Variants in CNTN1 observed in about 807,000 individuals in gnomAD.
CNTN1 encodes the protein contactin 1.
Under a neutral mutation model 126.4 loss-of-function variants are expected in CNTN1, and 38 were observed. That is an observed-to-expected ratio of 0.30 (90% CI 0.23 to 0.39). The LOEUF (loss-of-function observed/expected upper bound fraction) is 0.39. Ranked by LOEUF, CNTN1 falls within the 10% of genes least tolerant of loss-of-function variation. CNTN1 has a pLI of 1.00. For synonymous variants in CNTN1, 413 were observed against 422.6 expected, an observed-to-expected ratio of 0.98 and a Z score of 0.28; for missense variants, 1,009 against 1,248.4, an observed-to-expected ratio of 0.81 and a Z score of 2.89.
Position 40,956,260 on chromosome 12 carries a change from T to C in CNTN1, c.1684-2854T>C, listed in dbSNP as rs536511516. 6.8e-4 allele frequency among the ~76,000 whole-genome samples: 104 copies of C among 152,204 alleles called. 2 individuals carry two copies. Among genetic ancestry groups the C allele is most frequent in the African/African-American group, 2.3e-3 (95 of 41,548 alleles). Reference sequence around the variant, plus strand: ...AAGACAGCGCATACAGCTGTATACATATATAACACAGGGATACAACATGTC... The same window carrying C: ...AAGACAGCGCATACAGCTGTATACACATATAACACAGGGATACAACATGTC... On this transcript the variant is annotated intron_variant, in intron 14 of 23. Transcript: ENST00000551295.
intron 1 of CNTN1, among the ~76,000 whole-genome samples, chr12:40,860,870 G>A (rs745951548): frequency 6.6e-6 from 1 of 152,010 alleles, no homozygotes; most frequent in African/African-American, 2.4e-5. Flanking sequence ...TCTAATCAAG[G>A]CTTGGTATTT....
intron 1 of CNTN1, among the ~76,000 whole-genome samples, chr12:40,705,177 G>A (rs1421285223): frequency 6.6e-6 from 1 of 152,154 alleles, no homozygotes; most frequent in Non-Finnish European, 1.5e-5. Context: ...AAAAACAGTG[G>A]TATTTCTCGA....
chr12:40,972,119 T>C, intron 15 of CNTN1: 1 of 985,450 alleles, frequency 1.0e-6, no homozygotes, highest in South Asian at 4.7e-5. Flanking sequence ...AAAGTGAAAA[T>C]GGATAGCATG....
intron 1 of CNTN1, among the ~76,000 whole-genome samples, chr12:40,885,659 C>T (rs1312287525): frequency 6.6e-6 from 1 of 151,954 alleles, no homozygotes; most frequent in Non-Finnish European, 1.5e-5. Flanking sequence ...GTAGTAAGTG[C>T]TATGTATGCA....
intron 14 of CNTN1, among the ~76,000 whole-genome samples, chr12:40,950,446 G>A (rs1487367979): frequency 1.3e-5 from 2 of 152,104 alleles, no homozygotes; most frequent in Non-Finnish European, 2.9e-5. Context: ...TGGGTTTTAT[G>A]TGCTTCTTGA....
At chr12:40,880,502 T>C (rs917451161) in intron 1 of CNTN1, among the ~76,000 whole-genome samples, 1 of 152,058 alleles carries the variant, frequency 6.6e-6, no homozygotes, top group Admixed American at 6.6e-5. Context: ...GCTTAAATGA[T>C]ATAGAAGTGA....
At chr12:40,885,092 C>T (rs1364020199) in intron 1 of CNTN1, among the ~76,000 whole-genome samples, 2 of 151,622 alleles carry the variant, frequency 1.3e-5, no homozygotes, top group Non-Finnish European at 3.0e-5. Flanking sequence ...ATATCTTTAC[C>T]TGTTAGCACT....
At chr12:40,987,800 C>T (rs772005969) in intron 16 of CNTN1, among the ~76,000 whole-genome samples, 12 of 152,050 alleles carry the variant, frequency 7.9e-5, no homozygotes, top group Non-Finnish European at 1.5e-4. Flanking sequence ...ATTATATAAT[C>T]GCTCTGCAAT....
chr12:40,993,081 A>C lies in CNTN1; in HGVS notation c.1964-39A>C, dbSNP rs1463990768. On this transcript the variant is annotated intron_variant, in intron 16 of 23. Transcript: ENST00000551295. The stretch of plus-strand genomic sequence containing the variant: ...GGGAAGTTATAAAAGTGATAAGTTA[A>C]TCAACCTGTATTCTCTATTTACTAT... 2.5e-6 allele frequency: 4 copies of C among 1,570,480 alleles called. 1 individual carries two copies. The South Asian group carries it at 4.4e-5, about 17-fold the overall frequency.
chr12:40,859,388 G>A (rs1244526853), intron 1 of CNTN1, among the ~76,000 whole-genome samples: 1 of 152,056 alleles, frequency 6.6e-6, no homozygotes, highest in Non-Finnish European at 1.5e-5. Context: ...GGATATAAAA[G>A]ATAAGATAAT....
At chr12:40,964,837 A>G (rs545754935) in intron 15 of CNTN1, among the ~76,000 whole-genome samples, 38 of 152,254 alleles carry the variant, frequency 2.5e-4, no homozygotes, top group Admixed American at 9.8e-4. Flanking sequence ...ATAATATTGC[A>G]GTATTTTAAA....
At chr12:40,698,228 A>ATTTTTTTTTTTTTTTTTTTTTTTTT (rs35570862) in intron 1 of CNTN1, among the ~76,000 whole-genome samples, 1 of 69,884 alleles carries the variant, frequency 1.4e-5, no homozygotes, top group African/African-American at 5.8e-5. Flanking sequence ...CAGCCACTTA[A>ATTTTTTTTTTTTTTTTTTTTTTTTT]TTTTTTTTTT....
chr12:40,781,323 G>T (rs1045202757), intron 1 of CNTN1, among the ~76,000 whole-genome samples: 3 of 151,914 alleles, frequency 2.0e-5, no homozygotes, highest in Non-Finnish European at 2.9e-5. Flanking sequence ...CAATAGCACT[G>T]CACTCTCACA....
chr12:41,055,659 T>G (rs1209546141), intron 23 of CNTN1, among the ~76,000 whole-genome samples: 1 of 152,082 alleles, frequency 6.6e-6, no homozygotes, highest in Non-Finnish European at 1.5e-5. Flanking sequence ...GGCAGTTAAG[T>G]TTTTTCCTGT....
Position 40,695,207 on chromosome 12 carries a change from T to C in CNTN1, c.-77+2615T>C, listed in dbSNP as rs569724747. Among the ~76,000 whole-genome samples the C allele has an allele frequency of 7.5e-4, 114 of 152,346 alleles. 1 individual carries two copies. Among genetic ancestry groups the C allele is most frequent in the African/African-American group, 2.7e-3 (111 of 41,596 alleles). On this transcript the variant is annotated intron_variant, in intron 1 of 23. Coordinates refer to ENST00000551295, the MANE Select transcript of CNTN1 (RefSeq NM_001843.4). ...GTCCTATAATAAGTAGCCTTAAAGA[T>C]TCTTGTTCAGGAAGCATCATCCTAA...
chr12:40,898,700 G>A (rs1944499636), intron 1 of CNTN1, among the ~76,000 whole-genome samples: 1 of 152,154 alleles, frequency 6.6e-6, no homozygotes, highest in African/African-American at 2.4e-5. Context: ...CAGGAGGACT[G>A]TACCTTCCAT....
chr12:40,968,815 A>C (rs1183436790), intron 15 of CNTN1, among the ~76,000 whole-genome samples: 1 of 152,150 alleles, frequency 6.6e-6, no homozygotes, highest in Non-Finnish European at 1.5e-5. Context: ...AACTACATGA[A>C]TATGCTTTTC....
At chr12:40,737,390 T>G (rs905583656) in intron 1 of CNTN1, among the ~76,000 whole-genome samples, 1 of 140,036 alleles carries the variant, frequency 7.1e-6, no homozygotes, top group Non-Finnish European at 1.5e-5. Flanking sequence ...TATGAGTTTA[T>G]TAAGTATTAA....
intron 1 of CNTN1, among the ~76,000 whole-genome samples, chr12:40,777,806 T>A (rs73112633): frequency 0.02 from 3,027 of 151,864 alleles, 91 homozygotes; most frequent in African/African-American, 0.068. Context: ...CTCAACAACT[T>A]TGAGCTTCAG....
Sources: allele counts gnomAD v4.1 joint callset (sites outside exome capture counted in the v4.1 genomes callset), GRCh38; gene constraint gnomAD v4.1.1; transcripts MANE v1.5; gene names NCBI Gene and HGNC (gene_info 2026-07-23, HGNC 2026-07-21).